Variants in AGBL1 observed in about 807,000 individuals in gnomAD.
AGBL1 encodes cytosolic carboxypeptidase 4.
In AGBL1, 130 loss-of-function variants were observed where a neutral mutation model predicts 118.9. The ratio of observed to expected loss-of-function variants is 1.09; its 90% CI spans 0.95 to 1.26. AGBL1 has a LOEUF of 1.26. AGBL1 is among the 50% of genes most tolerant of loss of function. The pLI is 0.00. For synonymous variants in AGBL1, 555 were observed against 478.9 expected (o/e 1.16, Z -2.08); for missense variants, 1,584 against 1,298.1 (o/e 1.22, Z -3.38).
intron 17 of AGBL1, chr15:86,305,106 G>C (rs1445978557): frequency 2.6e-5 from 4 of 152,122 alleles, no homozygotes; most frequent in South Asian, 2.1e-4. Flanking sequence ...AAACACAACC[G>C]ATTTGTCTTC....
intron 23 of AGBL1, among the ~76,000 whole-genome samples, chr15:86,978,498 C>T (rs545235116): frequency 4.1e-4 from 62 of 152,256 alleles, no homozygotes; most frequent in African/African-American, 1.4e-3. Flanking sequence ...TTTAAGTACT[C>T]GTGCAGCCCT....
rs546326959 is a variant in AGBL1 at position 86,601,888 on chromosome 15, G to T, written c.2994+47351G>T. Among the ~76,000 whole-genome samples the T allele has an allele frequency of 5.3e-5, 8 of 152,144 alleles. No homozygotes were observed. In the East Asian group the frequency reaches 1.5e-3, roughly 29 times the overall value. ...AATATGTGCCTAAAGTCACATAGCT[G>T]CTTAATAAATTGTTTGAGGCCAGAT... On this transcript the variant is annotated intron_variant, in intron 21 of 22. Coordinates refer to ENST00000614907, the MANE Select transcript of AGBL1 (RefSeq NM_001386094.1).
intron 5 of AGBL1, among the ~76,000 whole-genome samples, chr15:86,182,983 ATG>A (rs1209412827): frequency 6.6e-6 from 1 of 152,074 alleles, no homozygotes; most frequent in Non-Finnish European, 1.5e-5. Context: ...GCTAATTCTC[ATG>A]TGTGTGTGTG....
chr15:86,973,799 T>C (rs1395985294), intron 23 of AGBL1, among the ~76,000 whole-genome samples: 1 of 151,076 alleles, frequency 6.6e-6, no homozygotes, highest in Non-Finnish European at 1.5e-5. Flanking sequence ...TTTCTGAATA[T>C]ATTTCTTCAT....
intron 22 of AGBL1, among the ~76,000 whole-genome samples, chr15:86,809,320 A>T (rs116383239): frequency 1.8e-4 from 28 of 152,142 alleles, no homozygotes; most frequent in Non-Finnish European, 2.9e-5. Context: ...ATATGAGGTT[A>T]GGAAAGTCTT....
intron 22 of AGBL1, among the ~76,000 whole-genome samples, chr15:86,749,390 T>C (rs1381823370): frequency 6.6e-6 from 1 of 152,172 alleles, no homozygotes; most frequent in Non-Finnish European, 1.5e-5. Context: ...AAGTTGCTTA[T>C]CAGCTTAAGG....
chr15:86,103,334 TG>T lies in AGBL1; in HGVS notation c.51+23314del, dbSNP rs1896845046. Among the ~76,000 whole-genome samples the T allele has an allele frequency of 8.5e-5, 13 of 152,342 alleles. No homozygotes were observed. In the South Asian group the frequency reaches 2.7e-3, roughly 32 times the overall value. ...ATATCAATATGTTGAATTCTTTTTC[TG>T]GGATTTTGTAAATTTCCTTTTTATT... On this transcript the variant is annotated intron_variant, in intron 1 of 22. Transcript: ENST00000614907.
At chr15:86,321,482 A>G (rs1379033330) in intron 17 of AGBL1, among the ~76,000 whole-genome samples, 2 of 152,060 alleles carry the variant, frequency 1.3e-5, no homozygotes, top group Non-Finnish European at 2.9e-5. Context: ...TAAAAATTTC[A>G]GAGAGGCCGG....
chr15:86,789,685 T>C (rs547281227), intron 22 of AGBL1, among the ~76,000 whole-genome samples: 444 of 152,298 alleles, frequency 2.9e-3, no homozygotes, highest in Non-Finnish European at 4.9e-3. Context: ...GAGAGTGGTT[T>C]GAAACACGTG....
At chr15:86,700,191 T>C (rs943516945) in intron 22 of AGBL1, among the ~76,000 whole-genome samples, 1 of 152,092 alleles carries the variant, frequency 6.6e-6, no homozygotes, top group African/African-American at 2.4e-5. Flanking sequence ...TGACTTATAC[T>C]TCATTATTAT....
intron 18 of AGBL1, among the ~76,000 whole-genome samples, chr15:86,438,580 T>G (rs1311342465): frequency 6.6e-6 from 1 of 152,090 alleles, no homozygotes; most frequent in African/African-American, 2.4e-5. Context: ...GTATGTCCCA[T>G]GCAATATTTA....
intron 5 of AGBL1, among the ~76,000 whole-genome samples, chr15:86,206,468 A>G (rs1314633794): frequency 5.9e-5 from 9 of 152,160 alleles, no homozygotes; most frequent in Non-Finnish European, 1.2e-4. Flanking sequence ...CATCCTCCCC[A>G]GCATCTGTTG....
intron 23 of AGBL1, among the ~76,000 whole-genome samples, chr15:86,987,500 T>C (rs2701432): frequency 0.85 from 129,038 of 152,136 alleles, 55,507 homozygotes; most frequent in South Asian, 0.98. Flanking sequence ...TGACTTACCG[T>C]ACAGGCCAAG....
chr15:86,678,092 T>A (rs957451410), intron 22 of AGBL1, among the ~76,000 whole-genome samples: 1 of 152,220 alleles, frequency 6.6e-6, no homozygotes, highest in South Asian at 2.1e-4. Context: ...GTCTAGTAAT[T>A]AACCTATGTA....
intron 15 of AGBL1, among the ~76,000 whole-genome samples, chr15:86,277,715 C>A (rs534868814): frequency 6.6e-6 from 1 of 152,144 alleles, no homozygotes; most frequent in Non-Finnish European, 1.5e-5. Flanking sequence ...ACTGGCCCTT[C>A]GGGACACCTA....
chr15:86,244,762 C>G (rs2078694319), intron 6 of AGBL1, among the ~76,000 whole-genome samples: 1 of 152,166 alleles, frequency 6.6e-6, no homozygotes, highest in South Asian at 2.1e-4. Context: ...AGTCCTTAAG[C>G]TTATGCTGCC....
chr15:86,587,218 C>G (rs79848102), intron 21 of AGBL1, among the ~76,000 whole-genome samples: 6,538 of 152,174 alleles, frequency 0.043, 417 homozygotes, highest in African/African-American at 0.14. Flanking sequence ...GAGGCACGGA[C>G]AGGATGAATA....
chr15:86,209,638 C>T (rs2078057222), intron 5 of AGBL1, among the ~76,000 whole-genome samples: 1 of 151,920 alleles, frequency 6.6e-6, no homozygotes, highest in Admixed American at 6.5e-5. Context: ...ATTGCAATCC[C>T]TGCTTTTTTT....
chr15:86,751,745 A>G (rs1265848318), intron 22 of AGBL1, among the ~76,000 whole-genome samples: 2 of 152,116 alleles, frequency 1.3e-5, no homozygotes, highest in African/African-American at 2.4e-5. Context: ...GTGAGGTTGC[A>G]TATTTTTGGT....
Sources: allele counts gnomAD v4.1 joint callset (sites outside exome capture counted in the v4.1 genomes callset), GRCh38; gene constraint gnomAD v4.1.1; transcripts MANE v1.5; gene names NCBI Gene and HGNC (gene_info 2026-07-23, HGNC 2026-07-21).